The following SLC12A8 variants were observed in gnomAD, a reference collection of about 807,000 sequenced individuals.
The protein encoded by SLC12A8 is solute carrier family 12 member 8.
SLC12A8 carries 69 observed loss-of-function variants against 75.6 expected under a neutral mutation model. That is an observed-to-expected ratio of 0.91 (90% CI 0.75 to 1.11). SLC12A8 has a LOEUF of 1.11. SLC12A8 is among the 50% of genes most tolerant of loss of function. The pLI, the probability that SLC12A8 is intolerant of heterozygous loss-of-function variation, is 0.00. For missense variants in SLC12A8, 877 were observed against 896.7 expected, an observed-to-expected ratio of 0.98 and a Z score of 0.28; for synonymous variants, 365 against 372.8, an observed-to-expected ratio of 0.98 and a Z score of 0.24.
At chr3:125,209,731 A>G (rs573046) in intron 2 of SLC12A8, among the ~76,000 whole-genome samples, 97,796 of 152,230 alleles carry the variant, frequency 0.64, 33,471 homozygotes, top group African/African-American at 0.89. Context: ...ATGCTGTGGA[A>G]CAGAAGGGGT....
At chr3:125,129,653 C>T (rs191406856) in intron 6 of SLC12A8, among the ~76,000 whole-genome samples, 9 of 152,296 alleles carry the variant, frequency 5.9e-5, no homozygotes, top group Admixed American at 3.9e-4. Context: ...ACTCTCTCCT[C>T]GCCACAGTCT....
At chr3:125,181,390 A>T (rs1934654442) in intron 4 of SLC12A8, among the ~76,000 whole-genome samples, 2 of 150,396 alleles carry the variant, frequency 1.3e-5, no homozygotes, top group South Asian at 2.1e-4. Flanking sequence ...TCATGAGGTC[A>T]GGAGATCGAG....
chr3:125,144,040 C>A (rs1933712808), intron 5 of SLC12A8, among the ~76,000 whole-genome samples: 1 of 152,182 alleles, frequency 6.6e-6, no homozygotes, highest in South Asian at 2.1e-4. Context: ...CTCATAATGG[C>A]CTTGGGGTCA....
chr3:125,148,192 G>C (rs1478974386), intron 5 of SLC12A8, among the ~76,000 whole-genome samples: 1 of 152,220 alleles, frequency 6.6e-6, no homozygotes, highest in African/African-American at 2.4e-5. Context: ...AACAAGGACA[G>C]CCACTTGCCA....
chr3:125,181,218 C>A (rs7634656), intron 4 of SLC12A8, among the ~76,000 whole-genome samples: 147,218 of 152,324 alleles, frequency 0.97, 71,331 homozygotes, highest in Middle Eastern at 1. Context: ...GTAATGAAAA[C>A]GAGAATGTTT....
chr3:125,210,898 G>C (rs1036443864), intron 2 of SLC12A8, among the ~76,000 whole-genome samples: 3 of 152,132 alleles, frequency 2.0e-5, no homozygotes, highest in East Asian at 3.8e-4. Context: ...GCAAACACCA[G>C]GGCATTCAGA....
At chr3:125,171,996 G>A (rs1326584424) in intron 5 of SLC12A8, among the ~76,000 whole-genome samples, 3 of 151,338 alleles carry the variant, frequency 2.0e-5, no homozygotes, top group African/African-American at 7.3e-5. Flanking sequence ...AAATTAGGCC[G>A]GGCATGGTGG....
At chr3:125,095,724 G>A (rs866639853) in intron 10 of SLC12A8, among the ~76,000 whole-genome samples, 1 of 152,186 alleles carries the variant, frequency 6.6e-6, no homozygotes, top group Non-Finnish European at 1.5e-5. Flanking sequence ...GACTAGGTCC[G>A]AGGGCATAGT....
At chr3:125,151,973 A>G (rs926262514) in intron 5 of SLC12A8, among the ~76,000 whole-genome samples, 4 of 152,220 alleles carry the variant, frequency 2.6e-5, no homozygotes, top group African/African-American at 9.7e-5. Flanking sequence ...CTAGAGGAGG[A>G]AACTGACGCT....
intron 4 of SLC12A8, 78 bp downstream of exon 4, chr3:125,187,159 C>A: frequency 6.8e-7 from 1 of 1,467,424 alleles, no homozygotes; most frequent in Non-Finnish European, 9.5e-7. Flanking sequence ...TCGCTTCTCC[C>A]CAGGTCAAGT....
chr3:125,153,579 T>C (rs1408308024), intron 5 of SLC12A8, among the ~76,000 whole-genome samples: 1 of 152,256 alleles, frequency 6.6e-6, no homozygotes, highest in Non-Finnish European at 1.5e-5. Context: ...CACTAAGTTC[T>C]GCCCCTGGCT....
At chr3:125,207,074 C>T (rs752696391) in intron 2 of SLC12A8, among the ~76,000 whole-genome samples, 10 of 152,076 alleles carry the variant, frequency 6.6e-5, no homozygotes, top group South Asian at 4.2e-4. Context: ...AGAGCTGGGA[C>T]GCTGTACAAG....
chr3:125,144,217 A>G (rs375727688), intron 5 of SLC12A8, among the ~76,000 whole-genome samples: 1 of 152,228 alleles, frequency 6.6e-6, no homozygotes, highest in African/African-American at 2.4e-5. Context: ...CTTCCGCTGC[A>G]TACCACTCAT....
At chr3:125,090,328 T>C (rs2948808) in intron 12 of SLC12A8, among the ~76,000 whole-genome samples, 16,678 of 152,232 alleles carry the variant, frequency 0.11, 939 homozygotes, top group South Asian at 0.16. Context: ...GAAATATTTT[T>C]TATGTACTAG....
chr3:125,083,791 T>G lies in SLC12A8; in HGVS notation c.*99A>C, dbSNP rs1938388114. 8.3e-7 allele frequency: 1 copy of G among 1,209,774 alleles called. No individual in the cohort carries two copies. The highest frequency in any genetic ancestry group is 1.2e-6 in the Non-Finnish European group (1 of 864,744). The allele number at this position is 1,209,774 out of a possible 1,614,324, so 74.9% of individuals were successfully genotyped here. On this transcript the variant is annotated 3_prime_UTR_variant, in exon 14 of 14. Transcript: ENST00000469902. Reference sequence around the variant, plus strand: ...CAAAGTGACAGCGGGAGGATGGGTCTTGAGTTTCTCAGGTTGGAGAAGCAG... The same window carrying G: ...CAAAGTGACAGCGGGAGGATGGGTCGTGAGTTTCTCAGGTTGGAGAAGCAG...
intron 10 of SLC12A8, among the ~76,000 whole-genome samples, chr3:125,106,468 C>G (rs961446927): frequency 8.6e-5 from 13 of 151,768 alleles, no homozygotes; most frequent in Admixed American, 6.6e-4. Context: ...GCTCAAGCAA[C>G]TCTCCTGCCA....
intron 6 of SLC12A8, among the ~76,000 whole-genome samples, chr3:125,123,065 G>A (rs1226054519): frequency 2.6e-5 from 4 of 152,178 alleles, no homozygotes; most frequent in African/African-American, 7.2e-5. Flanking sequence ...CCAGCGCTTT[G>A]GGAGGCCAAG....
chr3:125,158,558 A>G (rs1177125506), intron 5 of SLC12A8, among the ~76,000 whole-genome samples: 3 of 152,190 alleles, frequency 2.0e-5, no homozygotes, highest in African/African-American at 7.2e-5. Flanking sequence ...GTATCCAACT[A>G]TTATAAGATC....
At chr3:125,193,123 C>G (rs371554938) in intron 2 of SLC12A8, among the ~76,000 whole-genome samples, 1 of 152,208 alleles carries the variant, frequency 6.6e-6, no homozygotes, top group Non-Finnish European at 1.5e-5. Context: ...AATCCCAGCA[C>G]TTTTGGAGGC....
Sources: gnomAD v4.1 joint callset for allele counts (sites outside exome capture counted in the v4.1 genomes callset) on GRCh38, gnomAD v4.1.1 for gene constraint, MANE v1.5 for transcripts, NCBI Gene and HGNC (gene_info 2026-07-23, HGNC 2026-07-21) for gene names.